Variants in KYAT3 observed in about 807,000 individuals in gnomAD.
The protein encoded by KYAT3 is kynurenine aminotransferase 3.
KYAT3 carries 50 observed loss-of-function variants against 59.0 expected under a neutral mutation model. That is an observed-to-expected ratio of 0.85 (90% CI 0.68 to 1.07). The LOEUF (loss-of-function observed/expected upper bound fraction) is 1.07, where lower values mean the gene tolerates loss of function less well. Among genes scored for constraint, KYAT3 ranks in the 50% least tolerant of loss-of-function variants. The pLI, the probability that KYAT3 is intolerant of heterozygous loss-of-function variation, is 0.00. For synonymous variants in KYAT3, 148 were observed against 177.0 expected, an observed-to-expected ratio of 0.84 and a Z score of 1.30; for missense variants, 497 against 533.3, an observed-to-expected ratio of 0.93 and a Z score of 0.67.
intron 8 of KYAT3, 138 bp downstream of exon 8, chr1:88,961,029 A>C (rs1276425331): frequency 2.7e-6 from 2 of 745,562 alleles, no homozygotes; most frequent in Non-Finnish European, 4.4e-6. Flanking sequence ...GCTCATTTAA[A>C]TACTATTTTA....
intron 2 of KYAT3, chr1:88,981,061 C>G (rs772275787): frequency 2.6e-5 from 4 of 152,172 alleles, no homozygotes; most frequent in East Asian, 1.9e-4. Context: ...ACTATTGGCT[C>G]TAGTCTCCAA....
Position 88,949,118 on chromosome 1 carries a change from A to G in KYAT3, c.1114T>C (p.Phe372Leu). ...AGCAAAGACACATCAGCGATGATGAAGTATCCTCCATCAGGAACTATGGGT... is the reference window on the plus strand; with the variant it reads ...AGCAAAGACACATCAGCGATGATGAGGTATCCTCCATCAGGAACTATGGGT... ...LKPIVPDGGYFIIADVSLLDP... is the reference protein window; with the variant it reads ...LKPIVPDGGYLIIADVSLLDP... Residue 372 changes from phenylalanine to leucine, a missense_variant, in exon 11 of 14, where the codon TTC becomes CTC. Phe to Leu is a conservative substitution (Grantham distance 22). This residue lies in a region of KYAT3 where 469 missense variants were observed against 479.1 expected (regional missense o/e 0.98). Coordinates refer to ENST00000260508, the MANE Select transcript of KYAT3 (RefSeq NM_001008661.3). 1 of 1,599,748 alleles carries G rather than the reference A, an allele frequency of 6.3e-7. No individual in the cohort carries two copies. Among genetic ancestry groups the G allele is most frequent in the South Asian group, 1.1e-5 (1 of 87,814 alleles).
the KYAT3 span, among the ~76,000 whole-genome samples, chr1:88,928,449 A>C: frequency 6.6e-6 from 1 of 152,130 alleles, no homozygotes; most frequent in Non-Finnish European, 1.5e-5. Context: ...TCTGGAAAAG[A>C]GAAAAGCTGG....
At chr1:88,982,927 G>A (rs1677180280) in intron 2 of KYAT3, 3 of 1,613,946 alleles carry the variant, frequency 1.9e-6, no homozygotes, top group African/African-American at 1.3e-5. Flanking sequence ...AAGATGGCGG[G>A]GGCCCTCGTG....
At chr1:88,933,999 C>A (rs896528006), downstream of KYAT3, among the ~76,000 whole-genome samples, 1 of 152,182 alleles carries the variant, frequency 6.6e-6, no homozygotes, top group Non-Finnish European at 1.5e-5. Flanking sequence ...AGACAAGTCA[C>A]AGGCTTATTG....
chr1:88,948,057 A>T (rs967384747), intron 11 of KYAT3, among the ~76,000 whole-genome samples: 3 of 152,086 alleles, frequency 2.0e-5, no homozygotes, highest in Admixed American at 2.0e-4. Context: ...ACGCCACTGC[A>T]CTCCAGCCTG....
In KYAT3 at chr1:88,936,605, TTCTATTTCC is replaced by T. The variant is rs572670170; in HGVS notation, c.1303-369_1303-361del. ...CCAAAATCTAATAATGTGCTTATGC[TTCTATTTCC>T]TTATTTGTGAACTTCACATATTATC... is the stretch of plus-strand genomic sequence containing the variant. On this transcript the variant is annotated intron_variant, in intron 13 of 13. Transcript: ENST00000260508. Among the ~76,000 whole-genome samples the T allele has an allele frequency of 2.2e-3, 332 of 152,362 alleles. 2 individuals are homozygous for T. The highest frequency in any genetic ancestry group is 7.8e-3 in the African/African-American group (326 of 41,572).
In KYAT3 at chr1:88,936,064, A is replaced by T; in HGVS notation, c.*119T>A. ...TTGGGTTAACTGCTTTGGAAAAACA[A>T]TGGAAATATTTAAATTCCAGTTGTA... On this transcript the variant is annotated 3_prime_UTR_variant, in exon 14 of 14. Transcript: ENST00000260508. The T allele has an allele frequency of 1.4e-6, 1 of 696,134 alleles. No individual in the cohort carries two copies. 43.1% of individuals were successfully genotyped at this position (696,134 alleles called of 1,614,324 possible).
intron 2 of KYAT3, among the ~76,000 whole-genome samples, chr1:88,970,540 T>G (rs1005740662): frequency 1.3e-5 from 2 of 152,206 alleles, no homozygotes; most frequent in Non-Finnish European, 2.9e-5. Context: ...TTTTATATAA[T>G]AAGACCTTCT....
chr1:88,955,945 A>AT (rs1400060685), intron 8 of KYAT3, among the ~76,000 whole-genome samples: 1 of 152,158 alleles, frequency 6.6e-6, no homozygotes, highest in Non-Finnish European at 1.5e-5. Flanking sequence ...CCATTCAGTG[A>AT]TTTTTTTAGT....
the KYAT3 span, among the ~76,000 whole-genome samples, chr1:88,925,314 A>AC: frequency 6.7e-6 from 1 of 150,236 alleles, no homozygotes; most frequent in Non-Finnish European, 1.5e-5. Flanking sequence ...TTTCCCTCTG[A>AC]CCCATACCTC....
At chr1:88,932,196 C>T (rs1357609130), downstream of KYAT3, among the ~76,000 whole-genome samples, 2 of 152,136 alleles carry the variant, frequency 1.3e-5, no homozygotes, top group Non-Finnish European at 2.9e-5. Flanking sequence ...GTGAAGAAAC[C>T]CTATGACAAC....
intron 2 of KYAT3, among the ~76,000 whole-genome samples, chr1:88,975,440 A>C (rs898646105): frequency 7.2e-5 from 11 of 152,106 alleles, no homozygotes; most frequent in South Asian, 2.1e-4. Context: ...CATGAGCCAC[A>C]GCGCCCAGCC....
At chr1:88,948,264 A>C (rs1211848094) in intron 11 of KYAT3, among the ~76,000 whole-genome samples, 1 of 152,240 alleles carries the variant, frequency 6.6e-6, no homozygotes, top group Non-Finnish European at 1.5e-5. Flanking sequence ...TCAGTTTTTC[A>C]AGTTCATTGG....
chr1:88,975,033 CT>C (rs2101065198), intron 2 of KYAT3, among the ~76,000 whole-genome samples: 1 of 152,302 alleles, frequency 6.6e-6, no homozygotes, highest in East Asian at 1.9e-4. Flanking sequence ...CATAATAAAT[CT>C]TGCTGCTGCT....
chr1:88,990,921 A>G (rs1677756730), intron 1 of KYAT3, among the ~76,000 whole-genome samples: 1 of 152,230 alleles, frequency 6.6e-6, no homozygotes, highest in African/African-American at 2.4e-5. Flanking sequence ...GGAGAAAATA[A>G]AAAGGTATAT....
At chr1:88,982,442 G>C in intron 2 of KYAT3, 1 of 1,003,076 alleles carries the variant, frequency 1.0e-6, no homozygotes, top group Admixed American at 3.2e-5. Context: ...TTTGCTTGTT[G>C]AAAAGCAATG....
rs974414240 is a variant in KYAT3, at chr1:88,953,231, C to A, written c.865-79G>T. 13 of 923,128 alleles carry A rather than the reference C, an allele frequency of 1.4e-5. No homozygotes were observed. The African/African-American group carries it at 2.0e-4, about 14-fold the overall frequency. 57.2% of individuals were successfully genotyped at this position (923,128 alleles called of 1,614,324 possible). A position where few individuals can be genotyped will look rare whatever the true frequency, so the allele number is the denominator to read the frequency against. ...CTGAGACAGCAGTTTAAACTTAGTG[C>A]AATTGTTAAATATATACAATCCTAA... On this transcript the variant is annotated intron_variant, in intron 9 of 13. Coordinates refer to ENST00000260508, the MANE Select transcript of KYAT3 (RefSeq NM_001008661.3).
chr1:88,954,444 G>A (rs1675820171), intron 9 of KYAT3, among the ~76,000 whole-genome samples: 1 of 152,140 alleles, frequency 6.6e-6, no homozygotes, highest in South Asian at 2.1e-4. Flanking sequence ...GTGTGGTTAT[G>A]AGAATGAAAG....
Sources: allele counts gnomAD v4.1 joint callset (sites outside exome capture counted in the v4.1 genomes callset), GRCh38; gene constraint gnomAD v4.1.1; regional missense constraint gnomAD v4.1.1; transcripts MANE v1.5; gene names NCBI Gene and HGNC (gene_info 2026-07-23, HGNC 2026-07-21).